Variants in LRRC69 observed in about 807,000 individuals in gnomAD.
LRRC69 encodes leucine-rich repeat-containing protein 69.
Under a neutral mutation model 37.8 loss-of-function variants are expected in LRRC69, and 42 were observed. The ratio of observed to expected loss-of-function variants is 1.11; its 90% CI spans 0.87 to 1.44. LRRC69 has a LOEUF of 1.44. Ranked by LOEUF, LRRC69 falls within the 40% of genes most tolerant of loss-of-function variation. The pLI is 0.00. For missense variants in LRRC69, 357 were observed against 401.9 expected (o/e 0.89, Z 0.96); for synonymous variants, 141 against 143.1 (o/e 0.99, Z 0.11).
chr8:91,129,655 TGA>T (rs1296168417), intron 3 of LRRC69, among the ~76,000 whole-genome samples: 1 of 152,026 alleles, frequency 6.6e-6, no homozygotes, highest in East Asian at 1.9e-4. Context: ...ATTTCAGTGC[TGA>T]GTTGTCCTTC....
At chr8:91,132,955 T>G (rs1296634940) in intron 3 of LRRC69, among the ~76,000 whole-genome samples, 155 bp from the exon 4 acceptor site, 1 of 151,950 alleles carries the variant, frequency 6.6e-6, no homozygotes, top group Non-Finnish European at 1.5e-5. Flanking sequence ...CTTTTTATAC[T>G]CATGATCACA....
chr8:91,173,425 G>A lies in LRRC69; in HGVS notation c.652-16097G>A, dbSNP rs144031738. Among the ~76,000 whole-genome samples, 1,336 of 152,160 alleles carry A rather than the reference G, an allele frequency of 8.8e-3. 9 individuals are homozygous for A. Among genetic ancestry groups the A allele is most frequent in the Middle Eastern group, 0.017 (5 of 294 alleles). ...GAATTTATCTTCCTGTATTTAAGTG[G>A]CTATTTATGTATTATTTTAAAAGTT... On this transcript the variant is annotated intron_variant, in intron 5 of 7. Transcript: ENST00000448384.
intron 1 of LRRC69, among the ~76,000 whole-genome samples, chr8:91,114,624 A>G (rs143594889): frequency 4.2e-4 from 64 of 152,042 alleles, no homozygotes; most frequent in African/African-American, 1.5e-3. Context: ...TTATGCTACA[A>G]TTGCCTTTAG....
intron 5 of LRRC69, among the ~76,000 whole-genome samples, chr8:91,184,753 A>C (rs187849396): frequency 6.6e-6 from 1 of 152,174 alleles, no homozygotes; most frequent in African/African-American, 2.4e-5. Context: ...CTGAGGCCAA[A>C]TTGTTCCAAG....
intron 5 of LRRC69, among the ~76,000 whole-genome samples, chr8:91,161,812 G>A (rs1808950330): frequency 6.6e-6 from 1 of 150,814 alleles, no homozygotes; most frequent in East Asian, 2.0e-4. Flanking sequence ...GGTTTAATTT[G>A]TTCTTGCTTT....
chr8:91,103,380 AG>A (rs768646372), intron 1 of LRRC69, among the ~76,000 whole-genome samples: 1 of 151,460 alleles, frequency 6.6e-6, no homozygotes, highest in Non-Finnish European at 1.5e-5. Context: ...TAGTCTTTAA[AG>A]GAAGTTTAAT....
In LRRC69 at chr8:91,105,464, G is replaced by C. The variant is rs145470439; in HGVS notation, c.183+2620G>C. ...TATGGGAGGCCAAGGTGGGCAGATT[G>C]ATTGGGCTCAGTAGTTTGAAACTGG... On this transcript the variant is annotated intron_variant, in intron 1 of 7. Coordinates refer to ENST00000448384, the Ensembl canonical transcript of LRRC69. Among the ~76,000 whole-genome samples, 17 of 151,912 alleles carry C rather than the reference G, an allele frequency of 1.1e-4. 1 individual carries two copies. Among genetic ancestry groups the C allele is most frequent in the Admixed American group, 2.6e-4 (4 of 15,252 alleles).
At chr8:91,156,732 G>A (rs1808842313) in intron 5 of LRRC69, among the ~76,000 whole-genome samples, 1 of 150,780 alleles carries the variant, frequency 6.6e-6, no homozygotes, top group African/African-American at 2.4e-5. Flanking sequence ...ATGTTTTCTT[G>A]TAGCAATTCT....
chr8:91,216,704 T>G (rs1810054211), intron 7 of LRRC69, among the ~76,000 whole-genome samples: 1 of 152,274 alleles, frequency 6.6e-6, no homozygotes, highest in East Asian at 1.9e-4. Flanking sequence ...ATTTCATCAC[T>G]TAATCATTAT....
intron 5 of LRRC69, among the ~76,000 whole-genome samples, chr8:91,153,928 C>G (rs900355086): frequency 6.6e-6 from 1 of 151,762 alleles, no homozygotes; most frequent in Non-Finnish European, 1.5e-5. Context: ...AATCCAGGAG[C>G]TGGTTTTTTG....
At chr8:91,203,902 G>A (rs1563624742) in intron 7 of LRRC69, among the ~76,000 whole-genome samples, 1 of 150,344 alleles carries the variant, frequency 6.7e-6, no homozygotes, top group African/African-American at 2.5e-5. Context: ...GGCAGATCAC[G>A]AGGTCAGGAG....
At chr8:91,212,462 C>T (rs867195453) in intron 7 of LRRC69, among the ~76,000 whole-genome samples, 72 of 152,058 alleles carry the variant, frequency 4.7e-4, no homozygotes, top group Admixed American at 2.6e-3. Context: ...GATTAGACTG[C>T]GTAGGTCTCC....
intron 5 of LRRC69, chr8:91,157,640 T>C (rs780644111): frequency 1.6e-5 from 25 of 1,575,532 alleles, no homozygotes; most frequent in Non-Finnish European, 2.0e-5. Flanking sequence ...TCTAATAAAA[T>C]GCACTGGACT....
At chr8:91,136,804 C>T (rs1053511304) in intron 5 of LRRC69, among the ~76,000 whole-genome samples, 3 of 152,002 alleles carry the variant, frequency 2.0e-5, no homozygotes, top group Non-Finnish European at 2.9e-5. Context: ...TAAGTGGAAC[C>T]AGATATTTGT....
chr8:91,200,277 T>A (rs1809690062), intron 6 of LRRC69, among the ~76,000 whole-genome samples: 1 of 152,228 alleles, frequency 6.6e-6, no homozygotes, highest in African/African-American at 2.4e-5. Flanking sequence ...GTTTGTACAG[T>A]TTTTGCTTAT....
intron 3 of LRRC69, among the ~76,000 whole-genome samples, chr8:91,128,503 CAATT>C (rs1359139853): frequency 2.6e-5 from 4 of 151,900 alleles, no homozygotes; most frequent in African/African-American, 9.7e-5. Flanking sequence ...TACTAGATAT[CAATT>C]AATTGGTCAT....
At chr8:91,160,163 A>ATTTTTTCTTTTTT (rs542120217) in intron 5 of LRRC69, among the ~76,000 whole-genome samples, 39 of 150,508 alleles carry the variant, frequency 2.6e-4, no homozygotes, top group South Asian at 1.0e-3. Context: ...AAATGGGATA[A>ATTTTTTCTTTTTT]TTTTTTCTTG....
intron 6 of LRRC69, among the ~76,000 whole-genome samples, chr8:91,195,131 A>C (rs1809572798): frequency 1.3e-5 from 2 of 152,186 alleles, no homozygotes; most frequent in South Asian, 4.1e-4. Context: ...CAGGTTGTTC[A>C]GTTTCCATGT....
chr8:91,153,121 G>C (rs10097841), intron 5 of LRRC69, among the ~76,000 whole-genome samples: 1 of 151,072 alleles, frequency 6.6e-6, no homozygotes, highest in Admixed American at 6.6e-5. Context: ...AATCAAAAAA[G>C]AAAAGGGCAG....
Sources: allele counts gnomAD v4.1 joint callset (sites outside exome capture counted in the v4.1 genomes callset), GRCh38; gene constraint gnomAD v4.1.1; transcripts MANE v1.5; gene names NCBI Gene and HGNC (gene_info 2026-07-23, HGNC 2026-07-21).